CD2AP: variants seen among roughly 807,000 people sequenced by gnomAD.
CD2AP encodes CD2 associated protein, also known as CD2-associated protein.
CD2AP carries 46 observed loss-of-function variants against 85.1 expected under a neutral mutation model. The ratio of observed to expected loss-of-function variants is 0.54; its 90% CI spans 0.43 to 0.69. The LOEUF (loss-of-function observed/expected upper bound fraction) is 0.69, where lower values mean the gene tolerates loss of function less well. Among genes scored for constraint, CD2AP ranks in the 30% least tolerant of loss-of-function variants. The pLI is 0.00. For missense variants in CD2AP, 769 were observed against 729.5 expected, an observed-to-expected ratio of 1.05 and a Z score of -0.62; for synonymous variants, 255 against 252.9, an observed-to-expected ratio of 1.01 and a Z score of -0.08.
chr6:47,566,985 A>C (rs1452285849), intron 5 of CD2AP, among the ~76,000 whole-genome samples: 1 of 152,170 alleles, frequency 6.6e-6, no homozygotes, highest in Non-Finnish European at 1.5e-5. Context: ...TAAGAAGATT[A>C]ATGTCACTCC....
intron 17 of CD2AP, among the ~76,000 whole-genome samples, chr6:47,622,225 G>A (rs541265761): frequency 5.3e-5 from 8 of 152,302 alleles, no homozygotes; most frequent in Non-Finnish European, 1.2e-4. Flanking sequence ...TCCAGACAGT[G>A]GGCGAGATGG....
At chr6:47,553,412 T>A (rs1412927488) in intron 4 of CD2AP, among the ~76,000 whole-genome samples, 1 of 151,102 alleles carries the variant, frequency 6.6e-6, no homozygotes, top group Non-Finnish European at 1.5e-5. Context: ...AGTGGCGCCA[T>A]CTCAGCTCAC....
At chr6:47,537,584 T>C (rs1767086084) in intron 3 of CD2AP, among the ~76,000 whole-genome samples, 1 of 152,186 alleles carries the variant, frequency 6.6e-6, no homozygotes, top group Non-Finnish European at 1.5e-5. Context: ...TACATATACT[T>C]TTTTAATGGA....
intron 3 of CD2AP, among the ~76,000 whole-genome samples, chr6:47,543,174 A>G (rs1226065618): frequency 7.9e-6 from 1 of 126,706 alleles, no homozygotes; most frequent in African/African-American, 2.7e-5. Context: ...AAAAAAAAAG[A>G]AAAAGAAAAA....
intron 3 of CD2AP, among the ~76,000 whole-genome samples, chr6:47,544,109 A>G (rs1767304248): frequency 7.5e-6 from 1 of 133,804 alleles, no homozygotes; most frequent in African/African-American, 2.5e-5. Context: ...CTTCAAATAA[A>G]TGAGTTTCAT....
chr6:47,514,157 T>A (rs1233656085), intron 2 of CD2AP, among the ~76,000 whole-genome samples: 1 of 152,220 alleles, frequency 6.6e-6, no homozygotes, highest in African/African-American at 2.4e-5. Context: ...TGTCTAAGTA[T>A]AAACAACTTT....
At chr6:47,604,489 GTTTC>G (rs1769218226) in intron 13 of CD2AP, among the ~76,000 whole-genome samples, 1 of 151,708 alleles carries the variant, frequency 6.6e-6, no homozygotes, top group East Asian at 1.9e-4. Flanking sequence ...GTGTTTTTCT[GTTTC>G]TTTTTCTTTC....
rs1186027469 is a variant in CD2AP, at chr6:47,478,110, C to T, written c.-135C>T. 4.3e-6 allele frequency: 5 copies of T among 1,172,564 alleles called. No individual in the cohort carries two copies. The highest frequency in any genetic ancestry group is 2.6e-5 in the East Asian group (1 of 38,882). The allele number at this position is 1,172,564 out of a possible 1,614,324, so 72.6% of individuals were successfully genotyped here. A position where few individuals can be genotyped will look rare whatever the true frequency, so the allele number is the denominator to read the frequency against. On this transcript the variant is annotated 5_prime_UTR_variant, in exon 1 of 18. Coordinates refer to ENST00000359314, the MANE Select transcript of CD2AP (RefSeq NM_012120.3). Reference sequence around the variant, plus strand: ...CCGCGGGCGGATGGAGGCGACTCTTCGCCCCGCCTGAGCTCAGGAGGGGCT... The same window carrying T: ...CCGCGGGCGGATGGAGGCGACTCTTTGCCCCGCCTGAGCTCAGGAGGGGCT...
At chr6:47,485,670 T>TCAC (rs1283105312) in intron 1 of CD2AP, among the ~76,000 whole-genome samples, 5 of 152,284 alleles carry the variant, frequency 3.3e-5, no homozygotes, top group African/African-American at 9.6e-5. Flanking sequence ...TGCTCACCAC[T>TCAC]CACTGACTCA....
intron 5 of CD2AP, among the ~76,000 whole-genome samples, chr6:47,569,946 G>A (rs1768105490): frequency 6.6e-6 from 1 of 152,070 alleles, no homozygotes; most frequent in Non-Finnish European, 1.5e-5. Flanking sequence ...CTAAGTTATT[G>A]CTAACAGCCA....
Position 47,625,606 on chromosome 6 carries a change from G to T in CD2AP, c.*1379G>T, listed in dbSNP as rs904349919. 5 of 151,330 alleles carry T rather than the reference G, an allele frequency of 3.3e-5. No homozygotes were observed. The highest frequency in any genetic ancestry group is 3.9e-4 in the East Asian group (2 of 5,186). 9.4% of individuals were successfully genotyped at this position (151,330 alleles called of 1,614,324 possible). A position where few individuals can be genotyped will look rare whatever the true frequency, so the allele number is the denominator to read the frequency against. The stretch of plus-strand genomic sequence containing the variant: ...AAATTGTTTTATGCTTTATTATATC[G>T]CAAATGAGTGTCAGATTTTTGAGTA... On this transcript the variant is annotated 3_prime_UTR_variant, in exon 18 of 18. Coordinates refer to ENST00000359314, the MANE Select transcript of CD2AP (RefSeq NM_012120.3).
chr6:47,555,906 T>G (rs1182114300), intron 5 of CD2AP, among the ~76,000 whole-genome samples: 5 of 152,154 alleles, frequency 3.3e-5, no homozygotes, highest in African/African-American at 9.7e-5. Context: ...TTTTTTTTCT[T>G]GCTTTCTTTT....
chr6:47,536,964 C>CA (rs144746733), intron 3 of CD2AP, among the ~76,000 whole-genome samples: 2,151 of 152,284 alleles, frequency 0.014, 36 homozygotes, highest in African/African-American at 0.034. Flanking sequence ...AATCTCTTGG[C>CA]ACACGTGAGG....
At chr6:47,520,905 T>C (rs569621994) in intron 2 of CD2AP, among the ~76,000 whole-genome samples, 1 of 152,094 alleles carries the variant, frequency 6.6e-6, no homozygotes, top group East Asian at 1.9e-4. Flanking sequence ...TTGGCATTTC[T>C]ATGTTGCAGA....
intron 4 of CD2AP, among the ~76,000 whole-genome samples, chr6:47,551,895 C>T (rs1273908299): frequency 2.0e-5 from 3 of 152,080 alleles, no homozygotes; most frequent in African/African-American, 7.2e-5. Context: ...TCAAGGTCGT[C>T]GGACTTACTA....
Position 47,577,045 on chromosome 6 carries a change from G to GTACTAA in CD2AP, c.847_852dup (p.Thr283_Asn284dup), listed in dbSNP as rs1562040315. 4.6e-6 allele frequency: 7 copies of GTACTAA among 1,531,130 alleles called. No individual in the cohort carries two copies. Among genetic ancestry groups the GTACTAA allele is most frequent in the Non-Finnish European group, 6.3e-6 (7 of 1,104,800 alleles). 94.8% of individuals were successfully genotyped at this position (1,531,130 alleles called of 1,614,324 possible). A position where few individuals can be genotyped will look rare whatever the true frequency, so the allele number is the denominator to read the frequency against. On this transcript the variant is annotated inframe_insertion, in exon 8 of 18. Coordinates refer to ENST00000359314, the MANE Select transcript of CD2AP (RefSeq NM_012120.3). ...TGTAGAACATTATTTGCCTATGAAG[G>GTACTAA]TACTAATGAAGATGAACTTACTTTT... is the stretch of plus-strand genomic sequence containing the variant.
At chr6:47,513,875 T>C (rs567405978) in intron 2 of CD2AP, among the ~76,000 whole-genome samples, 4 of 143,060 alleles carry the variant, frequency 2.8e-5, no homozygotes, top group Admixed American at 2.8e-4. Context: ...CATCAGACTT[T>C]AAAAAAAATT....
At position 47,624,941 on chromosome 6, in the gene CD2AP, T is replaced by G. The variant is rs1379393306; in HGVS notation, c.*714T>G. ...TATGTTGCTTGCACTATAGGAGTCA[T>G]AAAAGGAACTTAGTTAAAATATGTT... is the stretch of plus-strand genomic sequence containing the variant. On this transcript the variant is annotated 3_prime_UTR_variant, in exon 18 of 18. Transcript: ENST00000359314. 1 of 151,874 alleles carries G rather than the reference T, an allele frequency of 6.6e-6. No individual in the cohort carries two copies. The highest frequency in any genetic ancestry group is 1.5e-5 in the Non-Finnish European group (1 of 67,824). 9.4% of individuals were successfully genotyped at this position (151,874 alleles called of 1,614,324 possible).
In CD2AP at chr6:47,477,952, G is replaced by A. The variant is rs1765343957; in HGVS notation, c.-293G>A. 3 of 521,468 alleles carry A rather than the reference G, an allele frequency of 5.8e-6. No homozygotes were observed. In the African/African-American group the frequency reaches 6.1e-5, roughly 11 times the overall value. The allele number at this position is 521,468 out of a possible 1,614,324, so 32.3% of individuals were successfully genotyped here. A position where few individuals can be genotyped will look rare whatever the true frequency, so the allele number is the denominator to read the frequency against. On this transcript the variant is annotated 5_prime_UTR_variant, in exon 1 of 18. Transcript: ENST00000359314. ...TCCCCACTGCGGGAGCGGCCAGGGT[G>A]GGAAAACCGCGGTCGGGCGGGCGGG...
Sources: allele counts gnomAD v4.1 joint callset (sites outside exome capture counted in the v4.1 genomes callset), GRCh38; gene constraint gnomAD v4.1.1; transcripts MANE v1.5; gene names NCBI Gene and HGNC (gene_info 2026-07-23, HGNC 2026-07-21).